AGAP1: variants seen among roughly 807,000 people sequenced by gnomAD.
AGAP1 encodes ArfGAP with GTPase domain, ankyrin repeat and PH domain 1, also known as arf-GAP with GTPase, ANK repeat and PH domain-containing protein 1.
A neutral mutation model predicts 105.3 loss-of-function variants in AGAP1; 29 were observed. That is an observed-to-expected ratio of 0.28 (90% CI 0.21 to 0.38). AGAP1 has a LOEUF of 0.38. Among genes scored for constraint, AGAP1 ranks in the 10% least tolerant of loss-of-function variants. The pLI, the probability that AGAP1 is intolerant of heterozygous loss-of-function variation, is 1.00. For missense variants in AGAP1, 998 were observed against 1,165.1 expected (o/e 0.86, Z 2.09); for synonymous variants, 509 against 485.9 (o/e 1.05, Z -0.63).
intron 13 of AGAP1, among the ~76,000 whole-genome samples, chr2:236,034,870 C>G (rs1398294554): frequency 6.6e-6 from 1 of 152,182 alleles, no homozygotes. Flanking sequence ...GGCCATGGGC[C>G]CTCTCTGGCT....
chr2:235,649,462 C>T (rs1383652023), intron 1 of AGAP1, among the ~76,000 whole-genome samples: 1 of 152,194 alleles, frequency 6.6e-6, no homozygotes, highest in Non-Finnish European at 1.5e-5. Flanking sequence ...CAACCTCAAC[C>T]CCCTGGGCAT....
rs1298946959 is a variant in AGAP1 at position 235,931,971 on chromosome 2, C to T, written c.1483+1048C>T. 6.6e-6 allele frequency among the ~76,000 whole-genome samples: 1 copy of T among 152,194 alleles called. No homozygotes were observed. Among genetic ancestry groups the T allele is most frequent in the African/African-American group, 2.4e-5 (1 of 41,452 alleles). ...TCCCATCCCAGCGCCAGGGCTTGCT[C>T]CTTCCCTCAAAAGAAGGTGCTTTGT... is the stretch of plus-strand genomic sequence containing the variant. On this transcript the variant is annotated intron_variant, in intron 12 of 17. Coordinates refer to ENST00000304032, the MANE Select transcript of AGAP1 (RefSeq NM_001037131.3). The surrounding 1 kb of genome is among the most constrained non-coding windows in gnomAD (Gnocchi z 5.6).
intron 9 of AGAP1, among the ~76,000 whole-genome samples, chr2:235,816,212 T>G (rs1575540575): frequency 6.6e-6 from 1 of 151,744 alleles, no homozygotes; most frequent in Non-Finnish European, 1.5e-5. Context: ...CCGAGGTGGG[T>G]GGATCGCGAG....
At chr2:235,704,352 G>T (rs1374018661) in intron 1 of AGAP1, among the ~76,000 whole-genome samples, 2 of 152,206 alleles carry the variant, frequency 1.3e-5, no homozygotes, top group Non-Finnish European at 2.9e-5. Flanking sequence ...GAGCTTGTTA[G>T]AAATGCTGAT....
At chr2:236,025,465 C>A (rs2057021143) in intron 13 of AGAP1, among the ~76,000 whole-genome samples, 1 of 152,162 alleles carries the variant, frequency 6.6e-6, no homozygotes, top group Non-Finnish European at 1.5e-5. Context: ...GCTAAAAATT[C>A]TTCTTTGAAC....
In AGAP1 at chr2:235,931,456, T is replaced by A. The variant is rs968664929; in HGVS notation, c.1483+533T>A. On this transcript the variant is annotated intron_variant, in intron 12 of 17. Coordinates refer to ENST00000304032, the MANE Select transcript of AGAP1 (RefSeq NM_001037131.3). The surrounding 1 kb of genome is among the most constrained non-coding windows in gnomAD (Gnocchi z 5.6). Reference sequence around the variant, plus strand: ...TGGCATTATTATTATTATTATTATTTTGACAAGTGTATCCAGCTTTTTGGG... The same window carrying A: ...TGGCATTATTATTATTATTATTATTATGACAAGTGTATCCAGCTTTTTGGG... 6.6e-6 allele frequency among the ~76,000 whole-genome samples: 1 copy of A among 152,012 alleles called. No individual in the cohort carries two copies. The highest frequency in any genetic ancestry group is 1.5e-5 in the Non-Finnish European group (1 of 68,012).
chr2:236,076,731 A>G lies in AGAP1; in HGVS notation c.2114+27450A>G, dbSNP rs1435764379. ...AGAGGGAAGCCCCAGCGCTATGAGCATACCTGGCAACAGACCACTTCCTAG... is the reference window on the plus strand; with the variant it reads ...AGAGGGAAGCCCCAGCGCTATGAGCGTACCTGGCAACAGACCACTTCCTAG... On this transcript the variant is annotated intron_variant, in intron 16 of 17. Coordinates refer to ENST00000304032, the MANE Select transcript of AGAP1 (RefSeq NM_001037131.3). This position sits in a 1 kb window ranked among gnomAD's most constrained non-coding sequence, Gnocchi z 4.4. 6.6e-6 allele frequency among the ~76,000 whole-genome samples: 1 copy of G among 152,170 alleles called. No homozygotes were observed. The highest frequency in any genetic ancestry group is 2.4e-5 in the African/African-American group (1 of 41,454).
At chr2:236,049,567 A>C (rs1219968952) in intron 16 of AGAP1, 1 of 274,738 alleles carries the variant, frequency 3.6e-6, no homozygotes, top group Admixed American at 4.7e-5. Context: ...TACTTTAATT[A>C]ATACATTTCT....
In AGAP1 at chr2:236,080,948, C is replaced by T. The variant is rs2058764406; in HGVS notation, c.2114+31667C>T. Reference sequence around the variant, plus strand: ...TCCCCTCTCAAGGGCCTTGTCTTAACCGTATCTGCAGTTAGGTTGCCATGT... The same window carrying T: ...TCCCCTCTCAAGGGCCTTGTCTTAATCGTATCTGCAGTTAGGTTGCCATGT... On this transcript the variant is annotated intron_variant, in intron 16 of 17. Coordinates refer to ENST00000304032, the MANE Select transcript of AGAP1 (RefSeq NM_001037131.3). The surrounding 1 kb of genome is among the most constrained non-coding windows in gnomAD (Gnocchi z 4.2). Among the ~76,000 whole-genome samples the T allele has an allele frequency of 6.6e-6, 1 of 152,196 alleles. No homozygotes were observed. The highest frequency in any genetic ancestry group is 1.9e-4 in the East Asian group (1 of 5,186).
chr2:235,709,622 T>C (rs1439326207), intron 2 of AGAP1, among the ~76,000 whole-genome samples: 1 of 152,002 alleles, frequency 6.6e-6, no homozygotes, highest in Non-Finnish European at 1.5e-5. Context: ...ATTGATTTGT[T>C]CTTTGCAGGA....
At chr2:235,715,003 T>A (rs1951028194) in intron 2 of AGAP1, among the ~76,000 whole-genome samples, 1 of 152,162 alleles carries the variant, frequency 6.6e-6, no homozygotes, top group South Asian at 2.1e-4. Context: ...TTCACCGTGT[T>A]AGCCAGGATG....
intron 1 of AGAP1, among the ~76,000 whole-genome samples, chr2:235,560,494 A>G (rs1414551474): frequency 6.6e-6 from 1 of 152,154 alleles, no homozygotes; most frequent in Non-Finnish European, 1.5e-5. Flanking sequence ...GGATGTGATT[A>G]AGAACTTTGA....
chr2:235,934,670 C>T lies in AGAP1; in HGVS notation c.1483+3747C>T, dbSNP rs1176498817. On this transcript the variant is annotated intron_variant, in intron 12 of 17. Coordinates refer to ENST00000304032, the MANE Select transcript of AGAP1 (RefSeq NM_001037131.3). The surrounding 1 kb of genome is among the most constrained non-coding windows in gnomAD (Gnocchi z 4.9). ...TCTTAAGTTGCCGGTGATATAAGTCCCCCCTGCCCCCACTTCCTTTTCGAA... is the reference window on the plus strand; with the variant it reads ...TCTTAAGTTGCCGGTGATATAAGTCTCCCCTGCCCCCACTTCCTTTTCGAA... 6.6e-6 allele frequency among the ~76,000 whole-genome samples: 1 copy of T among 151,810 alleles called. No homozygotes were observed. Among genetic ancestry groups the T allele is most frequent in the Non-Finnish European group, 1.5e-5 (1 of 67,964 alleles).
Position 235,700,805 on chromosome 2 carries a change from C to CTG in AGAP1, c.164-8373_164-8372insGT, listed in dbSNP as rs1440175282. On this transcript the variant is annotated intron_variant, in intron 1 of 17. Coordinates refer to ENST00000304032, the MANE Select transcript of AGAP1 (RefSeq NM_001037131.3). The surrounding 1 kb of genome is among the most constrained non-coding windows in gnomAD (Gnocchi z 6.1). ...ACAAAGCGAGAATCTGTCTCTGTCT[C>CTG]TCTCTCTCTCTCTCTGTGTATATAT... Among the ~76,000 whole-genome samples, 2 of 149,878 alleles carry CTG rather than the reference C, an allele frequency of 1.3e-5. No homozygotes were observed. The highest frequency in any genetic ancestry group is 3.0e-5 in the Non-Finnish European group (2 of 67,614).
chr2:235,544,282 A>G (rs35975315), intron 1 of AGAP1, among the ~76,000 whole-genome samples: 2,051 of 152,282 alleles, frequency 0.013, 21 homozygotes, highest in Middle Eastern at 0.031. Flanking sequence ...CGGAGCCAGC[A>G]GACTCCCTCT....
At position 235,873,683 on chromosome 2, in the gene AGAP1, G is replaced by A. The variant is rs544718246; in HGVS notation, c.1051-9662G>A. On this transcript the variant is annotated intron_variant, in intron 9 of 17. Transcript: ENST00000304032. ...ACCCGACTGTGGGAAGGCCAGTGCC[G>A]CTGTCCAGTCCATGTGGAAGGACCT... 9.8e-5 allele frequency among the ~76,000 whole-genome samples: 15 copies of A among 152,294 alleles called. No homozygotes were observed. In the East Asian group the frequency reaches 2.1e-3, roughly 22 times the overall value.
chr2:235,656,439 C>T (rs559702467), intron 1 of AGAP1, among the ~76,000 whole-genome samples: 2 of 152,294 alleles, frequency 1.3e-5, no homozygotes, highest in East Asian at 3.9e-4. Flanking sequence ...CATAAAGCAA[C>T]ATTTTTCGAT....
At chr2:235,916,682 G>A (rs191656418) in intron 11 of AGAP1, among the ~76,000 whole-genome samples, 214 of 152,260 alleles carry the variant, frequency 1.4e-3, no homozygotes, top group African/African-American at 4.2e-3. Flanking sequence ...AAGAACACAC[G>A]GCATTCCTTT....
At position 235,792,142 on chromosome 2, in the gene AGAP1, C is replaced by T. The variant is rs1957015625; in HGVS notation, c.674-5617C>T. On this transcript the variant is annotated intron_variant, in intron 6 of 17. Transcript: ENST00000304032. This position sits in a 1 kb window ranked among gnomAD's most constrained non-coding sequence, Gnocchi z 5.3. ...TGGCCTCACTGTGCTCCAGCTTTCC[C>T]AGTAGCAGAGGAACCCTCTTCCCAA... Among the ~76,000 whole-genome samples the T allele has an allele frequency of 6.6e-6, 1 of 152,198 alleles. No homozygotes were observed. Among genetic ancestry groups the T allele is most frequent in the African/African-American group, 2.4e-5 (1 of 41,448 alleles).
Sources: gnomAD v4.1 joint callset for allele counts (sites outside exome capture counted in the v4.1 genomes callset) on GRCh38, gnomAD v4.1.1 for gene constraint, Gnocchi (gnomAD v3.1) non-coding constraint, MANE v1.5 for transcripts, NCBI Gene and HGNC (gene_info 2026-07-23, HGNC 2026-07-21) for gene names.